Variants in SLC28A3 observed in about 807,000 individuals in gnomAD.
SLC28A3 encodes concentrative Na(+)-nucleoside cotransporter 3.
A neutral mutation model predicts 84.2 loss-of-function variants in SLC28A3; 68 were observed. The ratio of observed to expected loss-of-function variants is 0.81; its 90% CI spans 0.66 to 0.99. SLC28A3 has a LOEUF of 0.99. SLC28A3 is among the 50% of genes least tolerant of loss of function. The probability of loss-of-function intolerance (pLI) is 0.00; values close to 1 mark genes in which losing one functional copy is unlikely to be tolerated. For missense variants in SLC28A3, 712 were observed against 841.5 expected, an observed-to-expected ratio of 0.85 and a Z score of 1.90; for synonymous variants, 267 against 303.6, an observed-to-expected ratio of 0.88 and a Z score of 1.25.
At chr9:84,320,985 A>G (rs1449419440) in intron 1 of SLC28A3, among the ~76,000 whole-genome samples, 1 of 150,574 alleles carries the variant, frequency 6.6e-6, no homozygotes, top group Non-Finnish European at 1.5e-5. Flanking sequence ...AAAAAAAAAA[A>G]GAAAGAAAAG....
At chr9:84,284,328 G>C (rs140958376) in intron 14 of SLC28A3, among the ~76,000 whole-genome samples, 160 of 152,300 alleles carry the variant, frequency 1.1e-3, no homozygotes, top group African/African-American at 3.7e-3. Context: ...GCTCATGTCA[G>C]ATGTGTTGGG....
chr9:84,342,063 A>G (rs1827170536), upstream of SLC28A3, among the ~76,000 whole-genome samples: 1 of 149,726 alleles, frequency 6.7e-6, no homozygotes, highest in Non-Finnish European at 1.5e-5. Context: ...CAGGAGACAC[A>G]GATTGCAGTG....
intron 16 of SLC28A3, among the ~76,000 whole-genome samples, chr9:84,279,697 C>T (rs140566165): frequency 7.2e-5 from 11 of 152,354 alleles, no homozygotes; most frequent in African/African-American, 1.9e-4. Context: ...TCAGGTGACC[C>T]GCCCGCCTTG....
At chr9:84,340,956 G>T (rs2118647264), upstream of SLC28A3, among the ~76,000 whole-genome samples, 1 of 151,590 alleles carries the variant, frequency 6.6e-6, no homozygotes, top group South Asian at 2.1e-4. Flanking sequence ...AACAGAAAAG[G>T]ACACTTTCTT....
At chr9:84,363,107 AT>A in the SLC28A3 span, among the ~76,000 whole-genome samples, 4 of 152,166 alleles carry the variant, frequency 2.6e-5, no homozygotes, top group African/African-American at 7.2e-5. Flanking sequence ...AAGATAGAAT[AT>A]TTTTTCCCAT....
At chr9:84,279,941 T>C in intron 16 of SLC28A3, 34 bp downstream of exon 16, 2 of 1,603,812 alleles carry the variant, frequency 1.2e-6, no homozygotes, top group Non-Finnish European at 1.7e-6. Context: ...ATTCATCCTG[T>C]GGGCACTGGG....
At chr9:84,292,961 C>A (rs1180271490) in intron 9 of SLC28A3, among the ~76,000 whole-genome samples, 1 of 152,158 alleles carries the variant, frequency 6.6e-6, no homozygotes, top group East Asian at 1.9e-4. Context: ...TGAGTCATTG[C>A]GTATACTTTG....
chr9:84,290,749 C>T (rs1436777910), intron 10 of SLC28A3, among the ~76,000 whole-genome samples: 1 of 152,122 alleles, frequency 6.6e-6, no homozygotes, highest in East Asian at 1.9e-4. Flanking sequence ...ATTTCTAAGC[C>T]ACTGTGGCTT....
intron 7 of SLC28A3, 45 bp downstream of exon 7, chr9:84,297,861 T>A (rs1206554836): frequency 6.6e-7 from 1 of 1,512,446 alleles, no homozygotes; most frequent in Non-Finnish European, 9.0e-7. Context: ...ACCTCCAATG[T>A]TAAAAGCACC....
chr9:84,279,221 AT>A, intron 17 of SLC28A3, 43 bp downstream of exon 17: 2 of 1,469,072 alleles, frequency 1.4e-6, no homozygotes, highest in Non-Finnish European at 1.8e-6. Context: ...GATTTGATTG[AT>A]TATTAATGGA....
intron 8 of SLC28A3, among the ~76,000 whole-genome samples, chr9:84,294,560 T>A (rs1825347617): frequency 1.3e-5 from 2 of 152,238 alleles, no homozygotes; most frequent in African/African-American, 4.8e-5. Flanking sequence ...CACTGAAGGC[T>A]GTCAGAAAAT....
the SLC28A3 span, among the ~76,000 whole-genome samples, chr9:84,354,138 C>G: frequency 6.6e-6 from 1 of 152,214 alleles, no homozygotes; most frequent in Non-Finnish European, 1.5e-5. Context: ...GGCCACAGGA[C>G]ATTTTCACTT....
intron 4 of SLC28A3, among the ~76,000 whole-genome samples, chr9:84,302,705 G>A (rs1423437251): frequency 6.6e-6 from 1 of 152,076 alleles, no homozygotes; most frequent in Non-Finnish European, 1.5e-5. Flanking sequence ...TTTACCACTG[G>A]CATTCAGTCT....
intron 15 of SLC28A3, among the ~76,000 whole-genome samples, chr9:84,280,410 G>A (rs1467625019): frequency 1.3e-5 from 2 of 152,184 alleles, no homozygotes; most frequent in African/African-American, 4.8e-5. Flanking sequence ...AGGAGATGAT[G>A]TGCAACTCAA....
At position 84,297,198 on chromosome 9, in the gene SLC28A3, A is replaced by G. The variant is rs751081582; in HGVS notation, c.861+23T>C. 2.5e-6 allele frequency: 4 copies of G among 1,596,228 alleles called. No homozygotes were observed. In the South Asian group the frequency reaches 3.4e-5, roughly 14 times the overall value. On this transcript the variant is annotated intron_variant, in intron 8 of 17. Coordinates refer to ENST00000376238, the MANE Select transcript of SLC28A3 (RefSeq NM_001199633.2). Reference sequence around the variant, plus strand: ...AAGCCGCTGAAATAGCAGCGACTACATAGAAAAAAGGTTTGACTTTACCTT... The same window carrying G: ...AAGCCGCTGAAATAGCAGCGACTACGTAGAAAAAAGGTTTGACTTTACCTT...
At chr9:84,334,941 C>G (rs1347176412) in intron 1 of SLC28A3, among the ~76,000 whole-genome samples, 1 of 152,092 alleles carries the variant, frequency 6.6e-6, no homozygotes, top group African/African-American at 2.4e-5. Flanking sequence ...TCGCCCCTCT[C>G]CTGGTTCTGC....
intron 1 of SLC28A3, among the ~76,000 whole-genome samples, chr9:84,325,363 C>T (rs1372125414): frequency 6.6e-6 from 1 of 152,130 alleles, no homozygotes; most frequent in Non-Finnish European, 1.5e-5. Context: ...TAGCACAGAG[C>T]AGTTGCTCAA....
At chr9:84,354,555 C>T in the SLC28A3 span, among the ~76,000 whole-genome samples, 1 of 152,122 alleles carries the variant, frequency 6.6e-6, no homozygotes, top group Admixed American at 6.5e-5. Flanking sequence ...TACTTAAAAA[C>T]GGAAACTCTA....
chr9:84,299,822 T>G, intron 5 of SLC28A3, 97 bp from the exon 6 acceptor site: 1 of 1,355,474 alleles, frequency 7.4e-7, no homozygotes, highest in Non-Finnish European at 9.9e-7. Flanking sequence ...AGATGGAGTC[T>G]TGCTCTGTTG....
Sources: gnomAD v4.1 joint callset for allele counts (sites outside exome capture counted in the v4.1 genomes callset) on GRCh38, gnomAD v4.1.1 for gene constraint, MANE v1.5 for transcripts, NCBI Gene and HGNC (gene_info 2026-07-23, HGNC 2026-07-21) for gene names.